Variants in UBR4 observed in about 807,000 individuals in gnomAD.
UBR4 encodes ubiquitin protein ligase E3 component n-recognin 4.
Under a neutral mutation model 575.6 loss-of-function variants are expected in UBR4, and 124 were observed. The ratio of observed to expected loss-of-function variants is 0.22; its 90% CI spans 0.19 to 0.25. The LOEUF is 0.25. Among genes scored for constraint, UBR4 ranks in the 10% least tolerant of loss-of-function variants. The probability of loss-of-function intolerance (pLI) is 1.00; values close to 1 mark genes in which losing one functional copy is unlikely to be tolerated. For missense variants in UBR4, 4,818 were observed against 6,478.8 expected, an observed-to-expected ratio of 0.74 and a Z score of 8.80; for synonymous variants, 2,455 against 2,473.7, an observed-to-expected ratio of 0.99 and a Z score of 0.22.
At chr1:19,148,539 A>G in intron 50 of UBR4, 24 bp downstream of exon 50, 1 of 1,614,130 alleles carries the variant, frequency 6.2e-7, no homozygotes, top group African/African-American at 1.3e-5. Flanking sequence ...GAAAGCTTCC[A>G]TGTGCTTTGA....
chr1:19,156,526 C>G, intron 41 of UBR4, 103 bp from the exon 42 acceptor site: 1 of 1,419,646 alleles, frequency 7.0e-7, no homozygotes, highest in South Asian at 1.4e-5. Flanking sequence ...ATATCCCCTG[C>G]CTTCAGACAG....
rs985928702 is a variant in UBR4 at position 19,074,855 on chromosome 1, C to T, written c.15529G>A (p.Asp5177Asn). The change falls in exon 106 of 106, where the codon GAC becomes AAC. Residue 5177 changes from aspartate (D) to asparagine (N), a missense_variant. Coordinates refer to ENST00000375254, the MANE Select transcript of UBR4 (RefSeq NM_020765.3). ...EITDPESFLK[D>N]LLNSVP Reference sequence around the variant, plus strand: ...GGTCAGGGGACTGAGTTCAACAGGTCCTTCAGGAAGCTCTCTGGATCGGTG... The same window carrying T: ...GGTCAGGGGACTGAGTTCAACAGGTTCTTCAGGAAGCTCTCTGGATCGGTG... 1.2e-6 allele frequency: 2 copies of T among 1,614,120 alleles called. No homozygotes were observed. The highest frequency in any genetic ancestry group is 8.5e-7 in the Non-Finnish European group (1 of 1,180,010).
intron 69 of UBR4, 29 bp downstream of exon 69, chr1:19,120,151 A>C (rs1425581385): frequency 1.2e-6 from 2 of 1,610,704 alleles, no homozygotes; most frequent in African/African-American, 1.3e-5. Flanking sequence ...ACACCCTTGC[A>C]GATCTGTCAA....
In UBR4 at chr1:19,198,579, T is replaced by C. The variant is rs1289708720; in HGVS notation, c.610A>G (p.Arg204Gly). ...CTGATAGGTTGTGATGCTACAGTTCTAGGGTTAAAAACTGAGGTCAGCTGG... is the reference window on the plus strand; with the variant it reads ...CTGATAGGTTGTGATGCTACAGTTCCAGGGTTAAAAACTGAGGTCAGCTGG... ...LNQLTSVFNP[R>G]TVASQPISTQ... The change falls in exon 5 of 106, where the codon AGA becomes GGA. Residue 204 changes from arginine (R) to glycine (G), a missense_variant. This residue lies in a region of UBR4 where 83 missense variants were observed against 77.3 expected (regional missense o/e 1.07). Coordinates refer to ENST00000375254, the MANE Select transcript of UBR4 (RefSeq NM_020765.3). 6.2e-7 allele frequency: 1 copy of C among 1,614,206 alleles called. No individual in the cohort carries two copies. Among genetic ancestry groups the C allele is most frequent in the Admixed American group, 1.7e-5 (1 of 60,026 alleles).
rs139865160 is a variant in UBR4, at chr1:19,084,922, G to A, written c.14814-224C>T. ...AGTGACTGAACGTGACACTCGCCAAGTTTTGATGAGAGCCCACCACTCTTG... is the reference window on the plus strand; with the variant it reads ...AGTGACTGAACGTGACACTCGCCAAATTTTGATGAGAGCCCACCACTCTTG... On this transcript the variant is annotated intron_variant, in intron 101 of 105. Coordinates refer to ENST00000375254, the MANE Select transcript of UBR4 (RefSeq NM_020765.3). Among the ~76,000 whole-genome samples the A allele has an allele frequency of 3.9e-3, 593 of 152,326 alleles. 4 individuals carry two copies. The highest frequency in any genetic ancestry group is 0.014 in the Middle Eastern group (4 of 294).
At position 19,152,253 on chromosome 1, in the gene UBR4, A is replaced by G; in HGVS notation, c.6996+60T>C. On this transcript the variant is annotated intron_variant, in intron 47 of 105. Transcript: ENST00000375254. The surrounding 1 kb of genome is among the most constrained non-coding windows in gnomAD (Gnocchi z 4.4). ...GCTTTCTAAAAGGAGATGTGTTCTCAAACCATATTGTTTGAGTCCTTCTAC... is the reference window on the plus strand; with the variant it reads ...GCTTTCTAAAAGGAGATGTGTTCTCGAACCATATTGTTTGAGTCCTTCTAC... 6.3e-7 allele frequency: 1 copy of G among 1,597,818 alleles called. No homozygotes were observed. The highest frequency in any genetic ancestry group is 8.6e-7 in the Non-Finnish European group (1 of 1,168,372).
chr1:19,184,933 G>A (rs1320466277), intron 15 of UBR4, among the ~76,000 whole-genome samples, 166 bp downstream of exon 15: 3 of 152,208 alleles, frequency 2.0e-5, no homozygotes, highest in Non-Finnish European at 2.9e-5. Context: ...TAACAGTCAC[G>A]TAAGTTATTT....
chr1:19,144,231 GT>G, intron 54 of UBR4, 140 bp from the exon 55 acceptor site: 1 of 677,080 alleles, frequency 1.5e-6, no homozygotes, highest in Non-Finnish European at 2.5e-6. Flanking sequence ...AGCGGACCAA[GT>G]TCAGCAGGTT....
chr1:19,097,277 C>T lies in UBR4; in HGVS notation c.13306G>A (p.Glu4436Lys). Residue 4436 changes from glutamate (E) to lysine (K), a missense_variant, in exon 91 of 106, where the codon GAG becomes AAG. Glu to Lys is a moderately conservative substitution (Grantham distance 56). This residue lies in a region of UBR4 where 19 missense variants were observed against 53.9 expected (regional missense o/e 0.35). Coordinates refer to ENST00000375254, the MANE Select transcript of UBR4 (RefSeq NM_020765.3). ...ATACGATAAACAATCCTCATGGGCT[C>T]TCCCTGAGCAGAGAAAGTTGGAGAA... The part of the protein sequence containing the change: ...KKVWCTTNEG[E>K]PMRIVYRMRG... 6.2e-7 allele frequency: 1 copy of T among 1,612,802 alleles called. No homozygotes were observed. The highest frequency in any genetic ancestry group is 8.5e-7 in the Non-Finnish European group (1 of 1,179,484).
chr1:19,183,443 C>T (rs979811357), intron 17 of UBR4, among the ~76,000 whole-genome samples: 5 of 152,114 alleles, frequency 3.3e-5, no homozygotes, highest in South Asian at 2.1e-4. Context: ...AGCTACAGGC[C>T]GGGCGCGGTG....
rs777073429 is a variant in UBR4, at chr1:19,092,858, C to G, written c.14172G>C (p.Arg4724Ser). 6.8e-6 allele frequency: 11 copies of G among 1,613,374 alleles called. No homozygotes were observed. The highest frequency in any genetic ancestry group is 9.3e-6 in the Non-Finnish European group (11 of 1,179,828). Residue 4724 changes from arginine to serine, a missense_variant, in exon 97 of 106, where the codon AGG becomes AGC. By Grantham distance (110) the Arg-to-Ser change is moderately radical. Around this residue, in one of 29 missense-constraint regions of UBR4, gnomAD observed 196 missense variants for 386.8 expected, o/e 0.51. Coordinates refer to ENST00000375254, the MANE Select transcript of UBR4 (RefSeq NM_020765.3). Reference sequence around the variant, plus strand: ...GCTGGATGGCCAGGCCCCGAAGCAGCCTTAGGATAAATGGCAAGGCTGGGC... The same window carrying G: ...GCTGGATGGCCAGGCCCCGAAGCAGGCTTAGGATAAATGGCAAGGCTGGGC... ...LSRPALPFIL[R>S]LLRGLAIQHP...
intron 34 of UBR4, among the ~76,000 whole-genome samples, chr1:19,163,323 A>G (rs992545002): frequency 6.6e-6 from 1 of 152,242 alleles, no homozygotes; most frequent in Non-Finnish European, 1.5e-5. Flanking sequence ...GATTTCTGTC[A>G]GTTTCAAACC....
chr1:19,100,307 C>T lies in UBR4; in HGVS notation c.13221+69G>A. On this transcript the variant is annotated intron_variant, in intron 89 of 105. Coordinates refer to ENST00000375254, the MANE Select transcript of UBR4 (RefSeq NM_020765.3). The surrounding 1 kb of genome is among the most constrained non-coding windows in gnomAD (Gnocchi z 4.2). ...TTAATCAGCTACTAGGAAGAAGCAC[C>T]TGGATTTGGTTAGCCTAGGAGGAAG... is the stretch of plus-strand genomic sequence containing the variant. 2 of 1,568,002 alleles carry T rather than the reference C, an allele frequency of 1.3e-6. No individual in the cohort carries two copies. Among genetic ancestry groups the T allele is most frequent in the Admixed American group, 3.4e-5 (2 of 58,730 alleles).
At position 19,093,965 on chromosome 1, in the gene UBR4, A is replaced by G. The variant is rs1359390572; in HGVS notation, c.13921T>C (p.Tyr4641His). The G allele has an allele frequency of 6.2e-7, 1 of 1,613,306 alleles. No homozygotes were observed. ...MQILVERFKP[Y>H]CNFDKYDEDH... ...GTAACATACTTATCAAAGTTGCAGTATGGTTTGAATCGCTCCACCAAGATC... is the reference window on the plus strand; with the variant it reads ...GTAACATACTTATCAAAGTTGCAGTGTGGTTTGAATCGCTCCACCAAGATC... Residue 4641 changes from tyrosine (Y) to histidine (H), a missense_variant, in exon 95 of 106, where the codon TAC becomes CAC. Physicochemically the swap from Tyr to His is moderately conservative, Grantham distance 83 (BLOSUM62 2). Transcript: ENST00000375254. The surrounding 1 kb of genome is among the most constrained non-coding windows in gnomAD (Gnocchi z 4.8).
At chr1:19,203,329 C>T (rs1032547153) in intron 1 of UBR4, among the ~76,000 whole-genome samples, 6 of 151,710 alleles carry the variant, frequency 4.0e-5, no homozygotes, top group Non-Finnish European at 8.8e-5. Context: ...GGTGAAACCC[C>T]GTCTCTAATA....
At chr1:19,149,017 A>T (rs2085280577) in intron 49 of UBR4, among the ~76,000 whole-genome samples, 1 of 152,262 alleles carries the variant, frequency 6.6e-6, no homozygotes, top group African/African-American at 2.4e-5. Context: ...ACAAAGGGAA[A>T]GGTAAAAACC....
chr1:19,165,218 C>T (rs1245647424), intron 31 of UBR4, 31 bp downstream of exon 31: 1 of 1,591,512 alleles, frequency 6.3e-7, no homozygotes, highest in Non-Finnish European at 8.6e-7. Context: ...TCAAAGTTCC[C>T]ATAAGAAGAT....
At chr1:19,169,667 T>C (rs1041430153) in intron 26 of UBR4, 135 bp from the exon 27 acceptor site, 10 of 621,746 alleles carry the variant, frequency 1.6e-5, no homozygotes, top group African/African-American at 3.7e-5. Flanking sequence ...ATAGCTTAGA[T>C]AGATATTTCA....
intron 101 of UBR4, 31 bp from the exon 102 acceptor site, chr1:19,084,729 G>C (rs754965240): frequency 5.1e-6 from 8 of 1,570,634 alleles, no homozygotes; most frequent in Middle Eastern, 1.7e-4. Context: ...CAATGAAATG[G>C]AAGTGAGTTC....
Sources: gnomAD v4.1 joint callset for allele counts (sites outside exome capture counted in the v4.1 genomes callset) on GRCh38, gnomAD v4.1.1 for gene constraint, gnomAD v4.1.1 regional missense constraint, Gnocchi (gnomAD v3.1) non-coding constraint, MANE v1.5 for transcripts, NCBI Gene and HGNC (gene_info 2026-07-23, HGNC 2026-07-21) for gene names.